Variants in CASQ2 observed in about 807,000 individuals in gnomAD.
The protein encoded by CASQ2 is calsequestrin 2, also known as calsequestrin-2.
CASQ2 carries 49 observed loss-of-function variants against 46.5 expected under a neutral mutation model. That is an observed-to-expected ratio of 1.05 (90% CI 0.84 to 1.34). The LOEUF (loss-of-function observed/expected upper bound fraction) is 1.34, where lower values mean the gene tolerates loss of function less well. Among genes scored for constraint, CASQ2 ranks in the 40% most tolerant of loss-of-function variants. The pLI, the probability that CASQ2 is intolerant of heterozygous loss-of-function variation, is 0.00. For missense variants in CASQ2, 486 were observed against 481.3 expected, an observed-to-expected ratio of 1.01 and a Z score of -0.09; for synonymous variants, 174 against 168.5, an observed-to-expected ratio of 1.03 and a Z score of -0.25.
chr1:115,718,060 A>T (rs1029184702), intron 7 of CASQ2, among the ~76,000 whole-genome samples, 166 bp from the exon 8 acceptor site: 1 of 152,176 alleles, frequency 6.6e-6, no homozygotes, highest in Non-Finnish European at 1.5e-5. Context: ...GCTCACATTA[A>T]GGAAGGAATG....
At chr1:115,717,780 G>A (rs2101068750) in intron 8 of CASQ2, 60 bp downstream of exon 8, 1 of 1,240,376 alleles carries the variant, frequency 8.1e-7, no homozygotes, top group Non-Finnish European at 1.2e-6. Context: ...GTGAGGGCTG[G>A]CAAAGGTGAG....
intron 8 of CASQ2, among the ~76,000 whole-genome samples, 200 bp from the exon 9 acceptor site, chr1:115,705,492 A>G: frequency 6.6e-6 from 1 of 152,224 alleles, no homozygotes; most frequent in South Asian, 2.1e-4. Flanking sequence ...AAAAATTTGA[A>G]CAAAGGATTA....
intron 2 of CASQ2, among the ~76,000 whole-genome samples, chr1:115,741,064 C>A (rs1229923969): frequency 6.6e-6 from 1 of 152,206 alleles, no homozygotes; most frequent in African/African-American, 2.4e-5. Flanking sequence ...AAAGAAAAGT[C>A]TATTCTCCAC....
intron 1 of CASQ2, among the ~76,000 whole-genome samples, chr1:115,765,621 A>C (rs1649109680): frequency 6.6e-6 from 1 of 152,328 alleles, no homozygotes; most frequent in Admixed American, 6.5e-5. Context: ...CCAAGTAATA[A>C]TAATAAGTAT....
chr1:115,723,212 A>G (rs1049289440), intron 7 of CASQ2, among the ~76,000 whole-genome samples: 2 of 152,188 alleles, frequency 1.3e-5, no homozygotes, highest in African/African-American at 4.8e-5. Flanking sequence ...TAGACGTATT[A>G]TATCAGTGTT....
chr1:115,756,256 A>T (rs1160656232), intron 1 of CASQ2, among the ~76,000 whole-genome samples: 2 of 152,180 alleles, frequency 1.3e-5, no homozygotes, highest in Non-Finnish European at 2.9e-5. Context: ...CTAGCCCATC[A>T]CATTGCAAGA....
chr1:115,700,919 G>A lies in CASQ2; in HGVS notation c.*322C>T. 1 of 596,778 alleles carries A rather than the reference G, an allele frequency of 1.7e-6. No individual in the cohort carries two copies. The highest frequency in any genetic ancestry group is 2.1e-5 in the South Asian group (1 of 47,850). The allele number at this position is 596,778 out of a possible 1,614,324, so 37.0% of individuals were successfully genotyped here. Reference sequence around the variant, plus strand: ...CAAAGACAAGTAAACTTGTGTTAGGGGATTGTTCACCCTAGACTGCCATGT... The same window carrying A: ...CAAAGACAAGTAAACTTGTGTTAGGAGATTGTTCACCCTAGACTGCCATGT... On this transcript the variant is annotated 3_prime_UTR_variant, in exon 11 of 11. Transcript: ENST00000261448.
chr1:115,757,040 C>T (rs1244728635), intron 1 of CASQ2, among the ~76,000 whole-genome samples: 3 of 152,132 alleles, frequency 2.0e-5, no homozygotes, highest in South Asian at 2.1e-4. Context: ...TTTGGGCTTG[C>T]GCAATACCGG....
At chr1:115,704,956 C>A (rs571093000) in intron 9 of CASQ2, among the ~76,000 whole-genome samples, 1 of 152,168 alleles carries the variant, frequency 6.6e-6, no homozygotes, top group South Asian at 2.1e-4. Context: ...TTGGGTGGGA[C>A]CCCGAGGGTC....
chr1:115,756,685 G>T (rs1648772877), intron 1 of CASQ2, among the ~76,000 whole-genome samples: 1 of 152,174 alleles, frequency 6.6e-6, no homozygotes, highest in Non-Finnish European at 1.5e-5. Flanking sequence ...GGTGGCGTGT[G>T]CCTGTAATCC....
At chr1:115,707,991 C>T (rs6684209) in intron 8 of CASQ2, among the ~76,000 whole-genome samples, 25,612 of 152,074 alleles carry the variant, frequency 0.17, 2,250 homozygotes, top group East Asian at 0.25. Flanking sequence ...GAATACACAA[C>T]GGAGCACTGT....
At chr1:115,702,824 G>A in intron 10 of CASQ2, 97 bp downstream of exon 10, 2 of 956,018 alleles carry the variant, frequency 2.1e-6, no homozygotes, top group South Asian at 1.4e-5. Flanking sequence ...CTTCTGAAAA[G>A]GCTGGGCTAC....
chr1:115,702,930 A>T lies in CASQ2; in HGVS notation c.1005T>A (p.Asn335Lys). ...CACAGGGGATACTCACATCTGTGAC[A>T]TTCACCACCCCAATCTGTGGCCTGA... ...DLFRPQIGVV[N>K]VTDADSVWME... The change falls in exon 10 of 11, where the codon AAT (asparagine) becomes AAA (lysine). Residue 335 changes from asparagine to lysine, a missense_variant. By Grantham distance (94) the Asn-to-Lys change is moderately conservative. Transcript: ENST00000261448. 6.2e-7 allele frequency: 1 copy of T among 1,613,314 alleles called. No homozygotes were observed. The highest frequency in any genetic ancestry group is 8.5e-7 in the Non-Finnish European group (1 of 1,179,590).
intron 9 of CASQ2, 119 bp from the exon 10 acceptor site, chr1:115,703,114 G>T: frequency 1.3e-6 from 1 of 767,608 alleles, no homozygotes; most frequent in Non-Finnish European, 2.3e-6. Context: ...CAAAACAGCT[G>T]TGAGCACTTA....
rs113438437 is a variant in CASQ2 at position 115,718,406 on chromosome 1, T to C, written c.784-512A>G. On this transcript the variant is annotated intron_variant, in intron 7 of 10. Transcript: ENST00000261448. The stretch of plus-strand genomic sequence containing the variant: ...ATGCTGTGGACAGATCCTGAAACTA[T>C]ATCCAAATGGATGGCAGACAGGAAT... Among the ~76,000 whole-genome samples the C allele has an allele frequency of 3.3e-5, 5 of 152,320 alleles. 2 individuals are homozygous for C. The highest frequency in any genetic ancestry group is 1.2e-4 in the African/African-American group (5 of 41,570).
At chr1:115,716,175 A>G (rs966777620) in intron 8 of CASQ2, among the ~76,000 whole-genome samples, 2 of 152,144 alleles carry the variant, frequency 1.3e-5, no homozygotes, top group African/African-American at 4.8e-5. Flanking sequence ...CTGTGCTTCC[A>G]CTTTCTCTTG....
At chr1:115,760,132 A>C (rs1056358774) in intron 1 of CASQ2, among the ~76,000 whole-genome samples, 1 of 152,178 alleles carries the variant, frequency 6.6e-6, no homozygotes, top group African/African-American at 2.4e-5. Flanking sequence ...GAACAAACTT[A>C]ACATCCCAGC....
In CASQ2 at chr1:115,702,066, G is replaced by A. The variant is rs374794773; in HGVS notation, c.1015-640C>T. Among the ~76,000 whole-genome samples, 16 of 152,196 alleles carry A rather than the reference G, an allele frequency of 1.1e-4. No homozygotes were observed. The East Asian group carries it at 3.1e-3, about 29-fold the overall frequency. On this transcript the variant is annotated intron_variant, in intron 10 of 10. Coordinates refer to ENST00000261448, the MANE Select transcript of CASQ2 (RefSeq NM_001232.4). ...GCCTCCCAAGTAACTGGTGTTACAG[G>A]CACCCATGACCATGCCTGGCTAATT...
chr1:115,755,350 C>T (rs1006170056), intron 1 of CASQ2, among the ~76,000 whole-genome samples: 4 of 151,706 alleles, frequency 2.6e-5, no homozygotes, highest in African/African-American at 4.9e-5. Flanking sequence ...CTCCCTCAAA[C>T]TCTCCTTGGG....
Sources: allele counts gnomAD v4.1 joint callset (sites outside exome capture counted in the v4.1 genomes callset), GRCh38; gene constraint gnomAD v4.1.1; transcripts MANE v1.5; gene names NCBI Gene and HGNC (gene_info 2026-07-23, HGNC 2026-07-21).